Variants in CCDC13 observed in about 807,000 individuals in gnomAD.
CCDC13 encodes the protein coiled-coil domain containing 13.
Under a neutral mutation model 87.3 loss-of-function variants are expected in CCDC13, and 70 were observed. That is an observed-to-expected ratio of 0.80 (90% CI 0.66 to 0.98). The LOEUF (loss-of-function observed/expected upper bound fraction) is 0.98, where lower values mean the gene tolerates loss of function less well. CCDC13 is among the 50% of genes least tolerant of loss of function. CCDC13 has a pLI of 0.00. For missense variants in CCDC13, 842 were observed against 892.0 expected (o/e 0.94, Z 0.71); for synonymous variants, 317 against 360.3 (o/e 0.88, Z 1.36).
intron 7 of CCDC13, chr3:42,745,026 C>T (rs1699354825): frequency 6.6e-6 from 1 of 152,068 alleles, no homozygotes; most frequent in African/African-American, 2.4e-5. Context: ...AAACTCAGGT[C>T]TCTTGAACCC....
chr3:42,726,657 A>G (rs1313074153), intron 13 of CCDC13, among the ~76,000 whole-genome samples: 1 of 152,122 alleles, frequency 6.6e-6, no homozygotes, highest in African/African-American at 2.4e-5. Context: ...TAACATATTT[A>G]CATATATTTA....
At chr3:42,747,991 C>A (rs1234049602) in intron 5 of CCDC13, among the ~76,000 whole-genome samples, 1 of 152,126 alleles carries the variant, frequency 6.6e-6, no homozygotes, top group Admixed American at 6.6e-5. Context: ...AAATAAGGAC[C>A]CATTTTAATT....
chr3:42,746,550 C>T (rs2125899775), intron 6 of CCDC13: 1 of 164,562 alleles, frequency 6.1e-6, no homozygotes, highest in East Asian at 1.7e-4. Flanking sequence ...TCAGGCCCAA[C>T]CTCAAGGCTT....
At chr3:42,756,797 C>A (rs191695007) in intron 3 of CCDC13, among the ~76,000 whole-genome samples, 40 of 152,294 alleles carry the variant, frequency 2.6e-4, no homozygotes, top group Admixed American at 1.3e-3. Flanking sequence ...GGATCACCAA[C>A]ATTGCCTATG....
chr3:42,762,683 A>T (rs1476760353), intron 1 of CCDC13, among the ~76,000 whole-genome samples: 1 of 152,070 alleles, frequency 6.6e-6, no homozygotes, highest in Non-Finnish European at 1.5e-5. Flanking sequence ...TGTCTCCTGG[A>T]CTCTGCCCTA....
chr3:42,739,686 C>A lies in CCDC13; in HGVS notation c.1112G>T (p.Gly371Val). 2 of 1,614,194 alleles carry A rather than the reference C, an allele frequency of 1.2e-6. No individual in the cohort carries two copies. The highest frequency in any genetic ancestry group is 1.7e-6 in the Non-Finnish European group (2 of 1,180,016). ...SEMKTLKSQMGTLVEKGRHDD... is the reference protein window; with the variant it reads ...SEMKTLKSQMVTLVEKGRHDD... ...ATGCCGGCCCTTCTCCACCAGGGTT[C>A]CCATCTGACTCTTGAGGGTCTTCAT... Residue 371 changes from glycine to valine, a missense_variant, in exon 9 of 16, where the codon GGA becomes GTA. Gly to Val is a moderately radical substitution (Grantham distance 109). Transcript: ENST00000310232.
intron 14 of CCDC13, among the ~76,000 whole-genome samples, chr3:42,711,408 G>A (rs1698311591): frequency 6.6e-6 from 1 of 152,172 alleles, no homozygotes; most frequent in South Asian, 2.1e-4. Context: ...TCTGCTGAGA[G>A]GCCTCAGGCA....
intron 1 of CCDC13, among the ~76,000 whole-genome samples, chr3:42,758,628 T>C (rs1264599465): frequency 6.6e-6 from 1 of 152,194 alleles, no homozygotes; most frequent in African/African-American, 2.4e-5. Context: ...GCCTGTCCCT[T>C]AAATCAATGG....
chr3:42,714,196 G>A (rs1425583229), intron 13 of CCDC13: 1 of 152,200 alleles, frequency 6.6e-6, no homozygotes, highest in Non-Finnish European at 1.5e-5. Context: ...CTGCTTTTAA[G>A]GGCTCAAAAG....
chr3:42,769,721 G>GC (rs978474255), intron 1 of CCDC13, among the ~76,000 whole-genome samples: 2 of 152,258 alleles, frequency 1.3e-5, no homozygotes, highest in African/African-American at 4.8e-5. Flanking sequence ...AGTGAGAGGT[G>GC]CCGGTGAGAA....
chr3:42,743,511 G>A (rs184316087), intron 7 of CCDC13, among the ~76,000 whole-genome samples: 12 of 146,434 alleles, frequency 8.2e-5, no homozygotes, highest in Admixed American at 4.8e-4. Flanking sequence ...TCTGCCTCCC[G>A]GGCTCAAGCA....
chr3:42,745,184 G>A (rs1458505171), intron 7 of CCDC13: 2 of 152,226 alleles, frequency 1.3e-5, no homozygotes, highest in African/African-American at 2.4e-5. Context: ...GCAAATGGTG[G>A]AAGTCATACA....
At position 42,733,534 on chromosome 3, in the gene CCDC13, C is replaced by A; in HGVS notation, c.1447G>T (p.Asp483Tyr). Residue 483 changes from aspartate to tyrosine, a missense_variant, in exon 11 of 16, where the codon GAC becomes TAC. Physicochemically the swap from Asp to Tyr is radical, Grantham distance 160. Coordinates refer to ENST00000310232, the MANE Select transcript of CCDC13 (RefSeq NM_144719.4). ...GCCGGGGACTTGGTCAGGCCTGGGT[C>A]CTCCAGGAACTGGGTATAGGCAGGG... ...VSPAYTQFLEDPGLTKSPASA... is the reference protein window; with the variant it reads ...VSPAYTQFLEYPGLTKSPASA... The A allele has an allele frequency of 3.7e-6, 6 of 1,614,142 alleles. No individual in the cohort carries two copies. Among genetic ancestry groups the A allele is most frequent in the Non-Finnish European group, 5.1e-6 (6 of 1,180,020 alleles).
At chr3:42,742,242 T>C (rs1270980093) in intron 8 of CCDC13, among the ~76,000 whole-genome samples, 3 of 152,162 alleles carry the variant, frequency 2.0e-5, no homozygotes, top group Non-Finnish European at 4.4e-5. Flanking sequence ...GACACTCAAT[T>C]CTGGGACTTT....
chr3:42,710,246 G>A (rs2125866902), intron 14 of CCDC13, among the ~76,000 whole-genome samples: 1 of 151,888 alleles, frequency 6.6e-6, no homozygotes, highest in African/African-American at 2.4e-5. Flanking sequence ...TGGGACAACA[G>A]GTGCCTGTCA....
At chr3:42,761,778 A>C (rs980298630) in intron 1 of CCDC13, among the ~76,000 whole-genome samples, 1 of 152,044 alleles carries the variant, frequency 6.6e-6, no homozygotes, top group Admixed American at 6.6e-5. Flanking sequence ...TTTCCCTTTC[A>C]TAATGCTAAC....
At chr3:42,712,091 C>T (rs1352678713) in intron 14 of CCDC13, among the ~76,000 whole-genome samples, 2 of 152,252 alleles carry the variant, frequency 1.3e-5, no homozygotes, top group East Asian at 1.9e-4. Context: ...AAGCAAGTGG[C>T]CCCAACACCC....
intron 13 of CCDC13, among the ~76,000 whole-genome samples, chr3:42,723,195 T>C (rs1056234673): frequency 2.0e-5 from 3 of 152,234 alleles, no homozygotes; most frequent in Non-Finnish European, 4.4e-5. Flanking sequence ...TCTTGGGGTC[T>C]GGATCAAAAC....
intron 10 of CCDC13, 105 bp downstream of exon 10, chr3:42,735,602 G>A: frequency 8.4e-7 from 1 of 1,196,422 alleles, no homozygotes; most frequent in South Asian, 1.3e-5. Context: ...GAGCCAGGAA[G>A]GATGAAGTCT....
Sources: gnomAD v4.1 joint callset for allele counts (sites outside exome capture counted in the v4.1 genomes callset) on GRCh38, gnomAD v4.1.1 for gene constraint, MANE v1.5 for transcripts, NCBI Gene and HGNC (gene_info 2026-07-23, HGNC 2026-07-21) for gene names.